Variants in HUWE1 observed in about 807,000 individuals in gnomAD.
The protein encoded by HUWE1 is HECT, UBA and WWE domain containing E3 ubiquitin protein ligase 1, also known as E3 ubiquitin-protein ligase HUWE1.
HUWE1 carries 18 observed loss-of-function variants against 299.4 expected under a neutral mutation model. The ratio of observed to expected loss-of-function variants is 0.06; its 90% confidence interval spans 0.04 to 0.09. The LOEUF (loss-of-function observed/expected upper bound fraction) is 0.09. Among genes scored for constraint, HUWE1 ranks in the 10% least tolerant of loss-of-function variants. The pLI is 1.00. For missense variants in HUWE1, 1,832 were observed against 3,462.3 expected (o/e 0.53, Z 11.82); for synonymous variants, 1,317 against 1,286.1 (o/e 1.02, Z -0.51).
In HUWE1 at chrX:53,583,780, C is replaced by A. The variant is rs1228677048; in HGVS notation, c.5298G>T (p.Leu1766=). The change falls in exon 42 of 84, where the codon CTG becomes CTT. Residue 1766 remains leucine (L), a synonymous_variant. Coordinates refer to ENST00000262854, the MANE Select transcript of HUWE1 (RefSeq NM_031407.7). ...AAGTATCTGGGTCCACAGGGACTCC[C>A]AGCATGCTCACGCAGGCCCGGATTA... The part of the protein sequence containing the change: ...TVLIRACVSM[L]GVPVDPDTLH... The A allele has an allele frequency of 4.1e-6, 5 of 1,207,624 alleles. No homozygotes were observed. The highest frequency in any genetic ancestry group is 5.6e-6 in the Non-Finnish European group (5 of 893,856).
At chrX:53,633,722 A>C in intron 8 of HUWE1, among the ~76,000 whole-genome samples, 1 of 112,603 alleles carries the variant, frequency 8.9e-6, no homozygotes, top group Non-Finnish European at 1.9e-5. Flanking sequence ...CCACAGCAAC[A>C]TATCAAAGCA....
chrX:53,569,879 C>A (rs782124566), intron 47 of HUWE1, 52 bp from the exon 48 acceptor site: 6 of 1,029,490 alleles, frequency 5.8e-6, no homozygotes, highest in Non-Finnish European at 8.2e-6. Context: ...TATGCCATAT[C>A]ATTTGCACAG....
At chrX:53,638,749 A>AT (rs1291287529) in intron 7 of HUWE1, among the ~76,000 whole-genome samples, 4 of 111,900 alleles carry the variant, frequency 3.6e-5, no homozygotes, top group Non-Finnish European at 5.6e-5. Flanking sequence ...AGACTAATAT[A>AT]TTTTTTAATA....
At chrX:53,683,845 T>TGGGGGGGGGGGGGGGGGGGGGGGGGGGGG in intron 2 of HUWE1, 5 of 191,728 alleles carry the variant, frequency 2.6e-5, no homozygotes, top group East Asian at 1.7e-4. Context: ...CCCTAGTCAC[T>TGGGGGGGGGGGGGGGGGGGGGGGGGGGGG]GCCCCCCCAC....
chrX:53,555,635 TC>T (rs2061971014), intron 60 of HUWE1, among the ~76,000 whole-genome samples: 1 of 95,375 alleles, frequency 1.0e-5, no homozygotes, highest in Non-Finnish European at 2.1e-5. Flanking sequence ...CCCTTCAAAA[TC>T]TTTTTTTTTT....
intron 3 of HUWE1, among the ~76,000 whole-genome samples, chrX:53,654,929 T>C (rs1360259006): frequency 1.8e-5 from 2 of 111,788 alleles, no homozygotes; most frequent in Non-Finnish European, 3.8e-5. Flanking sequence ...ACAACACTTT[T>C]TTCAACTAGA....
At position 53,548,106 on chromosome X, in the gene HUWE1, G is replaced by A; in HGVS notation, c.10203C>T (p.Ser3401=). The change falls in exon 68 of 84, where the codon AGC becomes AGT. Residue 3401 remains serine, a synonymous_variant. Coordinates refer to ENST00000262854, the MANE Select transcript of HUWE1 (RefSeq NM_031407.7). ...ACTTCACGGAGTTCTTGCCTTTCCG[G>A]CTGACATTCATGTTGTCCAGTTTTA... ...LLVKLDNMNV[S]RKGKNSVKSV... is the part of the protein sequence containing the mutation. The A allele has an allele frequency of 8.3e-7, 1 of 1,208,210 alleles. No homozygotes were observed.
Position 53,565,062 on chromosome X carries a change from C to T in HUWE1, c.6880+5G>A. ...CTCTCCAGTCCATTGGCTCTGATTC[C>T]CTACCTGGGTCCTGCTGGTTGCTAC... On this transcript the variant is annotated splice_donor_5th_base_variant and intron_variant, in intron 50 of 83. Transcript: ENST00000262854. 8.3e-7 allele frequency: 1 copy of T among 1,209,765 alleles called. No individual in the cohort carries two copies.
At chrX:53,614,025 G>A (rs1338708052) in intron 23 of HUWE1, among the ~76,000 whole-genome samples, 1 of 112,001 alleles carries the variant, frequency 8.9e-6, no homozygotes, top group Non-Finnish European at 1.9e-5. Flanking sequence ...AACACTTTGG[G>A]AAGCCGAGGT....
chrX:53,561,661 T>A (rs2062300237), intron 55 of HUWE1, 95 bp downstream of exon 55: 1 of 1,161,387 alleles, frequency 8.6e-7, no homozygotes, highest in Non-Finnish European at 1.2e-6. Flanking sequence ...AGAAGTGCTG[T>A]CTGTATCGGA....
At chrX:53,580,186 A>G (rs1406961188) in intron 43 of HUWE1, among the ~76,000 whole-genome samples, 3 of 110,932 alleles carry the variant, frequency 2.7e-5, no homozygotes, top group African/African-American at 9.8e-5. Flanking sequence ...ATACCATTAT[A>G]ATACCCCCCA....
intron 55 of HUWE1, among the ~76,000 whole-genome samples, chrX:53,561,057 C>G (rs1220968849): frequency 8.9e-6 from 1 of 111,951 alleles, no homozygotes. Context: ...TCAAAGTTAT[C>G]TAATCCAACC....
chrX:53,542,825 A>T, intron 73 of HUWE1: 1 of 337,221 alleles, frequency 3.0e-6, no homozygotes, highest in Non-Finnish European at 5.2e-6. Context: ...TCCTGTATAT[A>T]GACTTCAAGT....
intron 72 of HUWE1, 74 bp downstream of exon 72, chrX:53,544,486 A>T (rs1312204457): frequency 1.2e-6 from 1 of 832,205 alleles, no homozygotes; most frequent in African/African-American, 2.0e-5. Context: ...CAGGCCGTTA[A>T]GTCCTGCACC....
At chrX:53,535,581 C>T in intron 80 of HUWE1, 80 bp from the exon 81 acceptor site, 1 of 652,432 alleles carries the variant, frequency 1.5e-6, no homozygotes, top group Non-Finnish European at 2.5e-6. Flanking sequence ...CACCCTAAAC[C>T]CCTTGCCATG....
chrX:53,639,245 A>G (rs1228444890), intron 7 of HUWE1, among the ~76,000 whole-genome samples: 1 of 112,166 alleles, frequency 8.9e-6, no homozygotes, highest in African/African-American at 3.2e-5. Context: ...AGATGCTCAA[A>G]ATCATTACTG....
In HUWE1 at chrX:53,593,532, C is replaced by A; in HGVS notation, c.3573G>T (p.Leu1191Phe). 8.3e-7 allele frequency: 1 copy of A among 1,211,622 alleles called. No individual in the cohort carries two copies. The highest frequency in any genetic ancestry group is 1.1e-6 in the Non-Finnish European group (1 of 895,274). The change falls in exon 32 of 84, where the codon TTG (leucine) becomes TTT (phenylalanine). Residue 1191 changes from leucine to phenylalanine, a missense_variant. This residue lies in a region of HUWE1 where 658 missense variants were observed against 1,282.6 expected (regional missense o/e 0.51). Transcript: ENST00000262854. ...CTAGGAATTCTCCTGTGCCATCAGG[C>A]AAGTCTGAGTGTTCCAATCCCTCAG... ...PVSEGLEHSD[L>F]PDGTGEFLDA...
At chrX:53,649,456 G>A (rs1174746935) in intron 4 of HUWE1, among the ~76,000 whole-genome samples, 1 of 112,112 alleles carries the variant, frequency 8.9e-6, no homozygotes, top group African/African-American at 3.2e-5. Flanking sequence ...TGGGAGAAAC[G>A]TATTTTCGGC....
intron 29 of HUWE1, among the ~76,000 whole-genome samples, chrX:53,596,335 T>C (rs1395945179): frequency 9.0e-6 from 1 of 111,441 alleles, no homozygotes; most frequent in African/African-American, 3.3e-5. Context: ...CCTCAAAATA[T>C]TGAAAAATTA....
Sources: allele counts gnomAD v4.1 joint callset (sites outside exome capture counted in the v4.1 genomes callset), GRCh38; gene constraint gnomAD v4.1.1; regional missense constraint gnomAD v4.1.1; transcripts MANE v1.5; gene names NCBI Gene and HGNC (gene_info 2026-07-23, HGNC 2026-07-21).